The following IFRD1 variants were observed in gnomAD, a reference collection of about 807,000 sequenced individuals.
IFRD1 encodes interferon related developmental regulator 1.
In IFRD1, 35 loss-of-function variants were observed where a neutral mutation model predicts 52.9. The ratio of observed to expected loss-of-function variants is 0.66; its 90% confidence interval spans 0.51 to 0.88. IFRD1 has a LOEUF of 0.88. Among genes scored for constraint, IFRD1 ranks in the 40% least tolerant of loss-of-function variants. The pLI, the probability that IFRD1 is intolerant of heterozygous loss-of-function variation, is 0.00. For synonymous variants in IFRD1, 184 were observed against 188.4 expected, an observed-to-expected ratio of 0.98 and a Z score of 0.19; for missense variants, 517 against 550.8, an observed-to-expected ratio of 0.94 and a Z score of 0.61.
intron 5 of IFRD1, 30 bp downstream of exon 5, chr7:112,459,048 C>T (rs1267249647): frequency 1.3e-6 from 2 of 1,582,870 alleles, no homozygotes; most frequent in South Asian, 1.1e-5. Context: ...ATTTATAGAT[C>T]TGTCTATTCA....
intron 1 of IFRD1, among the ~76,000 whole-genome samples, chr7:112,426,198 G>T (rs186638297): frequency 4.6e-5 from 7 of 152,240 alleles, no homozygotes; most frequent in Admixed American, 2.0e-4. Flanking sequence ...GTGACAGGGT[G>T]AAACCTGTCC....
intron 1 of IFRD1, among the ~76,000 whole-genome samples, chr7:112,433,793 AT>A (rs1794600836): frequency 1.3e-5 from 2 of 152,058 alleles, no homozygotes; most frequent in African/African-American, 4.8e-5. Flanking sequence ...CTCAGTTATA[AT>A]TTTTGTAAAG....
rs550915652 is a variant in IFRD1, at chr7:112,476,140, T to C, written c.*621T>C. 2.6e-5 allele frequency: 4 copies of C among 152,426 alleles called. No homozygotes were observed. In the East Asian group the frequency reaches 7.7e-4, roughly 29 times the overall value. The allele number at this position is 152,426 out of a possible 1,614,324, so 9.4% of individuals were successfully genotyped here. On this transcript the variant is annotated 3_prime_UTR_variant, in exon 12 of 12. Transcript: ENST00000403825. ...GCAGTAACACTGATTTTATCTGCTG[T>C]ATGAGACTTTGTGCATTTTACTTTG...
At chr7:112,460,539 C>G (rs933280421) in intron 5 of IFRD1, among the ~76,000 whole-genome samples, 3 of 152,098 alleles carry the variant, frequency 2.0e-5, no homozygotes, top group Admixed American at 6.6e-5. Flanking sequence ...CCACCGCACC[C>G]AGCCAGTCCT....
chr7:112,430,635 T>G (rs891720964), intron 1 of IFRD1, among the ~76,000 whole-genome samples: 5 of 152,212 alleles, frequency 3.3e-5, no homozygotes, highest in African/African-American at 7.2e-5. Flanking sequence ...CTACCCAAAA[T>G]AAACCTTCGT....
intron 4 of IFRD1, chr7:112,457,882 A>C (rs1455670194): frequency 6.6e-6 from 1 of 152,162 alleles, no homozygotes; most frequent in Non-Finnish European, 1.5e-5. Context: ...AATAAGCTTT[A>C]TATCCTTATT....
intron 11 of IFRD1, among the ~76,000 whole-genome samples, chr7:112,473,752 AT>A (rs200183430): frequency 8.6e-5 from 13 of 151,330 alleles, no homozygotes; most frequent in South Asian, 4.2e-4. Context: ...TAATTTATGT[AT>A]TTTTTTTTGT....
intron 1 of IFRD1, among the ~76,000 whole-genome samples, chr7:112,444,171 A>T (rs1794964433): frequency 6.6e-6 from 1 of 152,202 alleles, no homozygotes; most frequent in Non-Finnish European, 1.5e-5. Context: ...CTGTTAACAC[A>T]GTCTCATATT....
chr7:112,457,003 C>A lies in IFRD1; in HGVS notation c.374C>A (p.Thr125Asn). ...GAATTTATTCTGGAAAGGAGAATGA[C>A]TTTAACTGATAGCATTGAACGCTGC... is the stretch of plus-strand genomic sequence containing the variant. ...LYEFILERRM[T>N]LTDSIERCLK... The change falls in exon 4 of 12, where the codon ACT (threonine) becomes AAT (asparagine). Residue 125 changes from threonine (T) to asparagine (N), a missense_variant. Coordinates refer to ENST00000403825, the MANE Select transcript of IFRD1 (RefSeq NM_001550.4). The A allele has an allele frequency of 6.2e-7, 1 of 1,613,906 alleles. No individual in the cohort carries two copies. The highest frequency in any genetic ancestry group is 8.5e-7 in the Non-Finnish European group (1 of 1,179,840).
intron 10 of IFRD1, 68 bp from the exon 11 acceptor site, chr7:112,472,698 A>T (rs373637261): frequency 1.7e-5 from 16 of 969,094 alleles, no homozygotes; most frequent in East Asian, 1.2e-4. Flanking sequence ...AATCAGAGTC[A>T]CTCTGTCTAG....
At chr7:112,449,679 G>T (rs753712661), upstream of IFRD1, among the ~76,000 whole-genome samples, 2 of 152,188 alleles carry the variant, frequency 1.3e-5, no homozygotes, top group Non-Finnish European at 2.9e-5. Context: ...TTTACCAGCT[G>T]TGAAATTCTC....
chr7:112,426,160 AT>A (rs1380538452), intron 1 of IFRD1, among the ~76,000 whole-genome samples: 1 of 152,170 alleles, frequency 6.6e-6, no homozygotes, highest in Non-Finnish European at 1.5e-5. Context: ...ACAGTGAGTT[AT>A]GATTGCACCA....
intron 9 of IFRD1, among the ~76,000 whole-genome samples, chr7:112,469,015 A>G (rs1261420431): frequency 1.3e-5 from 2 of 152,226 alleles, no homozygotes. Context: ...GAAAACTTTA[A>G]TAATTGTTTT....
chr7:112,474,906 C>A (rs113177688), intron 11 of IFRD1, among the ~76,000 whole-genome samples: 3,914 of 151,826 alleles, frequency 0.026, 153 homozygotes, highest in African/African-American at 0.086. Flanking sequence ...ACTTTCTTGG[C>A]GTTTTACAAT....
intron 1 of IFRD1, among the ~76,000 whole-genome samples, chr7:112,427,748 T>C (rs1794458272): frequency 1.3e-5 from 2 of 152,246 alleles, no homozygotes; most frequent in South Asian, 2.1e-4. Context: ...ATAACTCATG[T>C]AGTGCTTGAT....
chr7:112,426,824 C>T (rs1003738582), intron 1 of IFRD1, among the ~76,000 whole-genome samples: 2 of 152,190 alleles, frequency 1.3e-5, no homozygotes, highest in Admixed American at 1.3e-4. Context: ...CTTATTGTAA[C>T]CCAGTCATTT....
At chr7:112,437,750 G>A (rs73428450) in intron 1 of IFRD1, among the ~76,000 whole-genome samples, 2,594 of 151,874 alleles carry the variant, frequency 0.017, 40 homozygotes, top group African/African-American at 0.045. Flanking sequence ...CATGGAGATG[G>A]TAATGGGATT....
At chr7:112,424,445 GC>G (rs1309390833) in intron 1 of IFRD1, among the ~76,000 whole-genome samples, 2 of 150,654 alleles carry the variant, frequency 1.3e-5, no homozygotes. Context: ...ACAGAGTTTC[GC>G]TCTTGTTGTC....
At chr7:112,442,127 C>G (rs1052452079) in intron 1 of IFRD1, among the ~76,000 whole-genome samples, 4 of 152,192 alleles carry the variant, frequency 2.6e-5, no homozygotes, top group Admixed American at 2.6e-4. Flanking sequence ...CTGTCTGGAT[C>G]TAAAACTCGG....
Sources: allele counts gnomAD v4.1 joint callset (sites outside exome capture counted in the v4.1 genomes callset), GRCh38; gene constraint gnomAD v4.1.1; transcripts MANE v1.5; gene names NCBI Gene and HGNC (gene_info 2026-07-23, HGNC 2026-07-21).